SLC6A5: variants seen among roughly 807,000 people sequenced by gnomAD.
The protein encoded by SLC6A5 is sodium- and chloride-dependent glycine transporter 2.
SLC6A5 carries 58 observed loss-of-function variants against 90.5 expected under a neutral mutation model. The ratio of observed to expected loss-of-function variants is 0.64; its 90% CI spans 0.52 to 0.80. SLC6A5 has a LOEUF of 0.80. Ranked by LOEUF, SLC6A5 falls within the 30% of genes least tolerant of loss-of-function variation. SLC6A5 has a pLI of 0.00. For synonymous variants in SLC6A5, 427 were observed against 401.4 expected (o/e 1.06, Z -0.76); for missense variants, 1,015 against 1,017.6 (o/e 1.00, Z 0.03).
rs564569978 is a variant in SLC6A5 at position 20,624,836 on chromosome 11, G to A, written c.1261-1872G>A. 9.2e-5 allele frequency among the ~76,000 whole-genome samples: 14 copies of A among 152,314 alleles called. No individual in the cohort carries two copies. The South Asian group carries it at 1.2e-3, about 14-fold the overall frequency. On this transcript the variant is annotated intron_variant, in intron 7 of 15. Coordinates refer to ENST00000525748, the MANE Select transcript of SLC6A5 (RefSeq NM_004211.5). ...TCAGTGTGATTAAGTTGAGGACTGG[G>A]GAGTCCTAGGCCAGACTGTGAAATG...
chr11:20,607,134 A>G lies in SLC6A5; in HGVS notation c.807A>G (p.Leu269=), dbSNP rs1020431122. The change falls in exon 4 of 16, where the codon CTA becomes CTG. Residue 269 remains leucine (L), a synonymous_variant. Coordinates refer to ENST00000525748, the MANE Select transcript of SLC6A5 (RefSeq NM_004211.5). Reference sequence around the variant, plus strand: ...CTGTGTGGAAGGCCATCCCAGCTCTACAAGGTGAGTCCAGCCTGCCGCTCA... The same window carrying G: ...CTGTGTGGAAGGCCATCCCAGCTCTGCAAGGTGAGTCCAGCCTGCCGCTCA... ...PVSVWKAIPA[L]QGCGIAMLII... 3.1e-6 allele frequency: 5 copies of G among 1,613,218 alleles called. No homozygotes were observed. In the African/African-American group the frequency reaches 6.7e-5, roughly 22 times the overall value.
Position 20,614,755 on chromosome 11 carries a change from G to A in SLC6A5, c.1062G>A (p.Val354=), listed in dbSNP as rs1372389585. ...TCTGCATGACCGCTTATCCCAACGT[G>A]ACAATGGTTAATTTCACCAGCCAGG... ...STFCMTAYPN[V]TMVNFTSQAN... The change falls in exon 6 of 16, where the codon GTG becomes GTA. Residue 354 remains valine (V), a synonymous_variant. Transcript: ENST00000525748. The A allele has an allele frequency of 6.2e-7, 1 of 1,613,966 alleles. No individual in the cohort carries two copies. Among genetic ancestry groups the A allele is most frequent in the Non-Finnish European group, 8.5e-7 (1 of 1,179,836 alleles).
intron 7 of SLC6A5, among the ~76,000 whole-genome samples, chr11:20,620,860 T>G (rs1436822791): frequency 6.6e-6 from 1 of 152,076 alleles, no homozygotes; most frequent in East Asian, 1.9e-4. Context: ...AGTGCAGTGG[T>G]GCCATCTTGG....
chr11:20,601,939 A>G (rs1223460918), intron 2 of SLC6A5, among the ~76,000 whole-genome samples: 1 of 152,238 alleles, frequency 6.6e-6, no homozygotes, highest in African/African-American at 2.4e-5. Context: ...AGATCCACGA[A>G]AGAGTTGAGG....
At chr11:20,633,197 A>G (rs1180665073) in intron 10 of SLC6A5, among the ~76,000 whole-genome samples, 1 of 152,258 alleles carries the variant, frequency 6.6e-6, no homozygotes, top group Non-Finnish European at 1.5e-5. Context: ...ATCCAATAGC[A>G]GAAACACTGA....
chr11:20,648,873 G>C (rs988304988), intron 14 of SLC6A5, among the ~76,000 whole-genome samples: 3 of 152,094 alleles, frequency 2.0e-5, no homozygotes, highest in Non-Finnish European at 2.9e-5. Context: ...TGTTTCTAAA[G>C]CTTAGGACCA....
At chr11:20,627,925 C>T in intron 8 of SLC6A5, 55 bp from the exon 9 acceptor site, 1 of 1,355,382 alleles carries the variant, frequency 7.4e-7, no homozygotes, top group Non-Finnish European at 1.1e-6. Flanking sequence ...GACTCCTCTC[C>T]CCTGGCGCCA....
intron 2 of SLC6A5, among the ~76,000 whole-genome samples, chr11:20,603,801 T>C (rs1315587882): frequency 6.6e-6 from 1 of 151,962 alleles, no homozygotes; most frequent in Non-Finnish European, 1.5e-5. Flanking sequence ...AAGAAATGGC[T>C]GAGGAGGAGG....
chr11:20,630,309 A>T (rs1853084257), intron 9 of SLC6A5, among the ~76,000 whole-genome samples: 2 of 152,166 alleles, frequency 1.3e-5, no homozygotes, highest in Non-Finnish European at 1.5e-5. Context: ...TAATCCCATG[A>T]GTTGGCTCTG....
rs537483509 is a variant in SLC6A5 at position 20,599,886 on chromosome 11, G to C, written c.3+211G>C. Among the ~76,000 whole-genome samples the C allele has an allele frequency of 2.0e-5, 3 of 152,248 alleles. No homozygotes were observed. The South Asian group carries it at 6.2e-4, about 32-fold the overall frequency. On this transcript the variant is annotated intron_variant, in intron 1 of 15. Transcript: ENST00000525748. The stretch of plus-strand genomic sequence containing the variant: ...GTTTCCTAGGCTGTAGAGCTGAGAG[G>C]TTGGCTGTGGCTCCTAAAGACCCGA...
intron 7 of SLC6A5, among the ~76,000 whole-genome samples, chr11:20,623,341 C>G (rs568404806): frequency 6.6e-6 from 1 of 152,284 alleles, no homozygotes; most frequent in East Asian, 1.9e-4. Flanking sequence ...TTGCTGAGGC[C>G]AAAACACTTG....
intron 15 of SLC6A5, among the ~76,000 whole-genome samples, chr11:20,654,084 A>C (rs1853593403): frequency 1.3e-5 from 2 of 152,188 alleles, no homozygotes; most frequent in Admixed American, 1.3e-4. Flanking sequence ...CAGCTGAAGG[A>C]TTAGAGACAT....
intron 5 of SLC6A5, among the ~76,000 whole-genome samples, chr11:20,612,460 C>A (rs937974612): frequency 1.3e-5 from 2 of 152,194 alleles, no homozygotes; most frequent in Admixed American, 1.3e-4. Flanking sequence ...GCCCTCTATG[C>A]TCTTCCACAG....
At position 20,616,969 on chromosome 11, in the gene SLC6A5, A is replaced by G. The variant is rs571325770; in HGVS notation, c.1128-783A>G. Among the ~76,000 whole-genome samples the G allele has an allele frequency of 2.0e-5, 3 of 152,330 alleles. No individual in the cohort carries two copies. In the South Asian group the frequency reaches 6.2e-4, roughly 32 times the overall value. ...AACACAGCAGTTTTACAGAGGATGT[A>G]TGGCTAGATGGTTGCGGAGTAGAAA... is the stretch of plus-strand genomic sequence containing the variant. On this transcript the variant is annotated intron_variant, in intron 6 of 15. Coordinates refer to ENST00000525748, the MANE Select transcript of SLC6A5 (RefSeq NM_004211.5).
At position 20,656,745 on chromosome 11, in the gene SLC6A5, C is replaced by T. The variant is rs913099926; in HGVS notation, c.*1877C>T. The T allele has an allele frequency of 1.3e-5, 2 of 152,134 alleles. No individual in the cohort carries two copies. Among genetic ancestry groups the T allele is most frequent in the South Asian group, 2.1e-4 (1 of 4,828 alleles). 9.4% of individuals were successfully genotyped at this position (152,134 alleles called of 1,614,324 possible). A position where few individuals can be genotyped will look rare whatever the true frequency, so the allele number is the denominator to read the frequency against. ...CTCCCCTCTCCTTCTCCTCCTTTCC[C>T]CCCTTGTCTCCCAAAGCTCAAACTT... On this transcript the variant is annotated 3_prime_UTR_variant, in exon 16 of 16. Transcript: ENST00000525748.
chr11:20,620,551 C>G (rs116799487), intron 7 of SLC6A5, among the ~76,000 whole-genome samples: 3,575 of 152,302 alleles, frequency 0.023, 153 homozygotes, highest in African/African-American at 0.079. Flanking sequence ...GACATCTCCA[C>G]AGCAGTGGCT....
intron 6 of SLC6A5, among the ~76,000 whole-genome samples, chr11:20,617,451 AG>A (rs1852802763): frequency 6.6e-6 from 1 of 152,356 alleles, no homozygotes; most frequent in African/African-American, 2.4e-5. Context: ...GGGATGTGCT[AG>A]TGACAATGGA....
In SLC6A5 at chr11:20,652,369, CG is replaced by C; in HGVS notation, c.2153del (p.Gly718AspfsTer3). 1 of 1,613,996 alleles carries C rather than the reference CG, an allele frequency of 6.2e-7. No individual in the cohort carries two copies. The highest frequency in any genetic ancestry group is 8.5e-7 in the Non-Finnish European group (1 of 1,179,930). On this transcript the variant is annotated frameshift_variant, in exon 15 of 16. Transcript: ENST00000525748. LOFTEE classifies it high-confidence loss of function. ...YRYPNWSMVL[G>X]WLMLACSVIW... ...GCTATCCTAACTGGTCCATGGTGCTCGGATGGCTAATGCTCGCCTGTTCCGT... is the reference window on the plus strand; with the variant it reads ...GCTATCCTAACTGGTCCATGGTGCTCGATGGCTAATGCTCGCCTGTTCCGT...
At chr11:20,626,080 C>A (rs1433865044) in intron 7 of SLC6A5, among the ~76,000 whole-genome samples, 2 of 152,190 alleles carry the variant, frequency 1.3e-5, no homozygotes, top group Non-Finnish European at 2.9e-5. Context: ...AGGTCCTATC[C>A]ATGCATTAGC....
Sources: gnomAD v4.1 joint callset for allele counts (sites outside exome capture counted in the v4.1 genomes callset) on GRCh38, gnomAD v4.1.1 for gene constraint, MANE v1.5 for transcripts, NCBI Gene and HGNC (gene_info 2026-07-23, HGNC 2026-07-21) for gene names.